The following SLC25A4 variants were observed in gnomAD, a reference collection of about 807,000 sequenced individuals.
SLC25A4 encodes ADP/ATP translocase 1.
In SLC25A4, 10 loss-of-function variants were observed where a neutral mutation model predicts 24.7. The observed-to-expected ratio is 0.41, with a 90% CI of 0.25 to 0.69. SLC25A4 has a LOEUF of 0.69. SLC25A4 is among the 30% of genes least tolerant of loss of function. SLC25A4 has a pLI of 0.35. For missense variants in SLC25A4, 273 were observed against 387.6 expected, an observed-to-expected ratio of 0.70 and a Z score of 2.48; for synonymous variants, 125 against 153.3, an observed-to-expected ratio of 0.82 and a Z score of 1.36.
Position 185,145,849 on chromosome 4 carries a change from C to T in SLC25A4, c.689C>T (p.Pro230Leu). 2 of 1,614,190 alleles carry T rather than the reference C, an allele frequency of 1.2e-6. No homozygotes were observed. The highest frequency in any genetic ancestry group is 2.7e-5 in the African/African-American group (2 of 75,062). Residue 230 changes from proline to leucine, a missense_variant, in exon 3 of 4, where the codon CCC (proline) becomes CTC (leucine). Physicochemically the swap from Pro to Leu is moderately conservative, Grantham distance 98 (BLOSUM62 -3). Coordinates refer to ENST00000281456, the MANE Select transcript of SLC25A4 (RefSeq NM_001151.4). This position sits in a 1 kb window ranked among gnomAD's most constrained non-coding sequence, Gnocchi z 5.5. ...VTAVAGLVSYPFDTVRRRMMM... is the reference protein window; with the variant it reads ...VTAVAGLVSYLFDTVRRRMMM... ...GCAGTCGCAGGGCTGGTGTCCTACC[C>T]CTTTGACACTGTTCGTCGTAGAATG...
rs901157770 is a variant in SLC25A4 at position 185,146,728 on chromosome 4, T to G, written c.740-86T>G. On this transcript the variant is annotated intron_variant, in intron 3 of 3. Coordinates refer to ENST00000281456, the MANE Select transcript of SLC25A4 (RefSeq NM_001151.4). ...CCAGATGACCCTGATTTTATAAAAC[T>G]GGTAACAGTGTGTACAGATATGTTT... 23 of 1,502,240 alleles carry G rather than the reference T, an allele frequency of 1.5e-5. 1 individual carries two copies. In the South Asian group the frequency reaches 2.3e-4, roughly 15 times the overall value. The allele number at this position is 1,502,240 out of a possible 1,614,324, so 93.1% of individuals were successfully genotyped here. A position where few individuals can be genotyped will look rare whatever the true frequency, so the allele number is the denominator to read the frequency against.
Position 185,145,244 on chromosome 4 carries a change from G to A in SLC25A4, c.592G>A (p.Ala198Thr). 6.2e-7 allele frequency: 1 copy of A among 1,614,018 alleles called. No homozygotes were observed. Among genetic ancestry groups the A allele is most frequent in the Non-Finnish European group, 8.5e-7 (1 of 1,180,020 alleles). Residue 198 changes from alanine to threonine, a missense_variant, in exon 2 of 4, where the codon GCC becomes ACC. Physicochemically the swap from Ala to Thr is moderately conservative, Grantham distance 58. Transcript: ENST00000281456. This position sits in a 1 kb window ranked among gnomAD's most constrained non-coding sequence, Gnocchi z 5.5. Reference protein sequence around the residue: ...RAAYFGVYDTAKGMLPDPKNV... With the variant: ...RAAYFGVYDTTKGMLPDPKNV... ...TGCCTACTTCGGAGTCTATGATACT[G>A]CCAAGGGTGAGAGAGGGGCATCGGG... is the stretch of plus-strand genomic sequence containing the variant.
intron 1 of SLC25A4, among the ~76,000 whole-genome samples, chr4:185,144,030 A>G (rs898351794): frequency 3.4e-4 from 52 of 152,346 alleles, no homozygotes; most frequent in African/African-American, 1.1e-3. Flanking sequence ...TTTTCGGAAT[A>G]AACTCAGATC....
At position 185,146,987 on chromosome 4, in the gene SLC25A4, A is replaced by G. The variant is rs2111287767; in HGVS notation, c.*16A>G. ...ATATGTCTAATGTAATTAAAACACA[A>G]GTTCACAGATTTACAGTGAACTTGA... On this transcript the variant is annotated 3_prime_UTR_variant, in exon 4 of 4. Transcript: ENST00000281456. 1 of 1,610,398 alleles carries G rather than the reference A, an allele frequency of 6.2e-7. No homozygotes were observed. Among genetic ancestry groups the G allele is most frequent in the Non-Finnish European group, 8.5e-7 (1 of 1,177,010 alleles).
chr4:185,145,748 T>C lies in SLC25A4; in HGVS notation c.599-11T>C. ...CTTCATAGCCGTTCGGCTTCTGGGCTCTGTCCACAGGGATGCTGCCTGACC... is the reference window on the plus strand; with the variant it reads ...CTTCATAGCCGTTCGGCTTCTGGGCCCTGTCCACAGGGATGCTGCCTGACC... On this transcript the variant is annotated splice_polypyrimidine_tract_variant and intron_variant, in intron 2 of 3. Coordinates refer to ENST00000281456, the MANE Select transcript of SLC25A4 (RefSeq NM_001151.4). The surrounding 1 kb of genome is among the most constrained non-coding windows in gnomAD (Gnocchi z 5.5). The C allele has an allele frequency of 1.9e-6, 3 of 1,614,226 alleles. No homozygotes were observed. Among genetic ancestry groups the C allele is most frequent in the Non-Finnish European group, 2.5e-6 (3 of 1,180,020 alleles).
chr4:185,145,729 AG>A lies in SLC25A4; in HGVS notation c.599-29del, dbSNP rs1304167947. 2.5e-6 allele frequency: 4 copies of A among 1,613,926 alleles called. No individual in the cohort carries two copies. The African/African-American group carries it at 5.3e-5, about 22-fold the overall frequency. ...TTTCTGCTGAGAACAGGCACTTCATAGCCGTTCGGCTTCTGGGCTCTGTCCA... is the reference window on the plus strand; with the variant it reads ...TTTCTGCTGAGAACAGGCACTTCATACCGTTCGGCTTCTGGGCTCTGTCCA... On this transcript the variant is annotated intron_variant, in intron 2 of 3. Transcript: ENST00000281456. The surrounding 1 kb of genome is among the most constrained non-coding windows in gnomAD (Gnocchi z 5.5).
At position 185,145,692 on chromosome 4, in the gene SLC25A4, C is replaced by T; in HGVS notation, c.599-67C>T. 3 of 1,594,768 alleles carry T rather than the reference C, an allele frequency of 1.9e-6. No homozygotes were observed. Among genetic ancestry groups the T allele is most frequent in the Non-Finnish European group, 2.6e-6 (3 of 1,164,472 alleles). Reference sequence around the variant, plus strand: ...GAGCTGGAGGTGCAGTGGCCTCTCTCCCTCCACCTGCTTTCTGCTGAGAAC... The same window carrying T: ...GAGCTGGAGGTGCAGTGGCCTCTCTTCCTCCACCTGCTTTCTGCTGAGAAC... On this transcript the variant is annotated intron_variant, in intron 2 of 3. Transcript: ENST00000281456. This position sits in a 1 kb window ranked among gnomAD's most constrained non-coding sequence, Gnocchi z 5.5.
Position 185,150,177 on chromosome 4 carries a change from G to C in SLC25A4, c.*3206G>C, listed in dbSNP as rs1255106863. 1.3e-5 allele frequency: 2 copies of C among 152,246 alleles called. No individual in the cohort carries two copies. Among genetic ancestry groups the C allele is most frequent in the African/African-American group, 2.4e-5 (1 of 41,466 alleles). 9.4% of individuals were successfully genotyped at this position (152,246 alleles called of 1,614,324 possible). A position where few individuals can be genotyped will look rare whatever the true frequency, so the allele number is the denominator to read the frequency against. ...AAGTTTCTGCTGAATGGAAGAGTGAGCGAGAAGGGAAAGTGCATCTAAAAA... is the reference window on the plus strand; with the variant it reads ...AAGTTTCTGCTGAATGGAAGAGTGACCGAGAAGGGAAAGTGCATCTAAAAA... On this transcript the variant is annotated 3_prime_UTR_variant, in exon 4 of 4. Transcript: ENST00000281456.
rs1377528439 is a variant in SLC25A4 at position 185,145,647 on chromosome 4, C to T, written c.599-112C>T. ...TGAAGCACCTGCACAGGGGCAGGTT[C>T]CCCGCAAGGTCAGAGCATGGAGCTG... On this transcript the variant is annotated intron_variant, in intron 2 of 3. Transcript: ENST00000281456. This position sits in a 1 kb window ranked among gnomAD's most constrained non-coding sequence, Gnocchi z 5.5. The T allele has an allele frequency of 3.7e-6, 5 of 1,355,558 alleles. No individual in the cohort carries two copies. Among genetic ancestry groups the T allele is most frequent in the Non-Finnish European group, 5.2e-6 (5 of 970,674 alleles). The allele number at this position is 1,355,558 out of a possible 1,614,324, so 84.0% of individuals were successfully genotyped here.
chr4:185,144,699 T>TC lies in SLC25A4; in HGVS notation c.112-64dup. ...TCTAGGAAGTGCAAACCTTTTTTTT[T>TC]CTCCTGTCCTCTTCCCTTCTCTCTA... On this transcript the variant is annotated intron_variant, in intron 1 of 3. Coordinates refer to ENST00000281456, the MANE Select transcript of SLC25A4 (RefSeq NM_001151.4). 4 of 1,536,894 alleles carry TC rather than the reference T, an allele frequency of 2.6e-6. No homozygotes were observed. The South Asian group carries it at 3.5e-5, about 13-fold the overall frequency.
rs1396628665 is a variant in SLC25A4 at position 185,145,472 on chromosome 4, AG to A, written c.598+228del. The A allele has an allele frequency of 1.4e-6, 1 of 732,834 alleles. No homozygotes were observed. Among genetic ancestry groups the A allele is most frequent in the Non-Finnish European group, 2.2e-6 (1 of 456,194 alleles). The allele number at this position is 732,834 out of a possible 1,614,324, so 45.4% of individuals were successfully genotyped here. On this transcript the variant is annotated intron_variant, in intron 2 of 3. Transcript: ENST00000281456. The surrounding 1 kb of genome is among the most constrained non-coding windows in gnomAD (Gnocchi z 5.5). ...GGCCTTTAGTTATTCAGAGAGGAGG[AG>A]GGGGGAGCCTGTCTCCCTCTAGACA...
chr4:185,144,689 CCT>C (rs1734405636), intron 1 of SLC25A4, 73 bp from the exon 2 acceptor site: 1 of 1,446,518 alleles, frequency 6.9e-7, no homozygotes, highest in East Asian at 2.4e-5. Context: ...GAAGTGCAAA[CCT>C]TTTTTTTTCT....
Position 185,145,370 on chromosome 4 carries a change from A to G in SLC25A4, c.598+120A>G. 6.7e-7 allele frequency: 1 copy of G among 1,486,550 alleles called. No homozygotes were observed. The highest frequency in any genetic ancestry group is 9.2e-7 in the Non-Finnish European group (1 of 1,086,402). The allele number at this position is 1,486,550 out of a possible 1,614,324, so 92.1% of individuals were successfully genotyped here. ...TTTTTTCTAGTCTCTGGGATAATTG[A>G]GGCTTCTGAATGAGGAGGTGATGTG... On this transcript the variant is annotated intron_variant, in intron 2 of 3. Transcript: ENST00000281456. The surrounding 1 kb of genome is among the most constrained non-coding windows in gnomAD (Gnocchi z 5.5).
At chr4:185,144,266 T>G (rs1224721966) in intron 1 of SLC25A4, among the ~76,000 whole-genome samples, 2 of 152,194 alleles carry the variant, frequency 1.3e-5, no homozygotes, top group Admixed American at 1.3e-4. Context: ...GGAGGCCTAA[T>G]GTTTAGTGGA....
In SLC25A4 at chr4:185,148,549, T is replaced by C. The variant is rs565400128; in HGVS notation, c.*1578T>C. On this transcript the variant is annotated 3_prime_UTR_variant, in exon 4 of 4. Transcript: ENST00000281456. ...GAAATGAAATGGGGGGAGGGAGTGG[T>C]AGGAGATGGAGGCTTTGAAAGAAAA... is the stretch of plus-strand genomic sequence containing the variant. 2.6e-5 allele frequency: 4 copies of C among 152,162 alleles called. No homozygotes were observed. The East Asian group carries it at 5.8e-4, about 22-fold the overall frequency. The allele number at this position is 152,162 out of a possible 1,614,324, so 9.4% of individuals were successfully genotyped here. A position where few individuals can be genotyped will look rare whatever the true frequency, so the allele number is the denominator to read the frequency against.
rs1218418833 is a variant in SLC25A4, at chr4:185,145,476, G to A, written c.598+226G>A. On this transcript the variant is annotated intron_variant, in intron 2 of 3. Coordinates refer to ENST00000281456, the MANE Select transcript of SLC25A4 (RefSeq NM_001151.4). This position sits in a 1 kb window ranked among gnomAD's most constrained non-coding sequence, Gnocchi z 5.5. ...TTTAGTTATTCAGAGAGGAGGAGGG[G>A]GGAGCCTGTCTCCCTCTAGACACAG... 4 of 720,916 alleles carry A rather than the reference G, an allele frequency of 5.5e-6. No individual in the cohort carries two copies. Among genetic ancestry groups the A allele is most frequent in the Admixed American group, 5.6e-5 (2 of 35,678 alleles). The allele number at this position is 720,916 out of a possible 1,614,324, so 44.7% of individuals were successfully genotyped here.
Position 185,145,794 on chromosome 4 carries a change from G to A in SLC25A4, c.634G>A (p.Val212Met). 1 of 1,614,248 alleles carries A rather than the reference G, an allele frequency of 6.2e-7. No individual in the cohort carries two copies. Among genetic ancestry groups the A allele is most frequent in the Non-Finnish European group, 8.5e-7 (1 of 1,180,040 alleles). Reference protein sequence around the residue: ...LPDPKNVHIFVSWMIAQSVTA... With the variant: ...LPDPKNVHIFMSWMIAQSVTA... ...TGACCCCAAGAACGTGCACATTTTT[G>A]TGAGCTGGATGATTGCCCAGAGTGT... Residue 212 changes from valine to methionine, a missense_variant, in exon 3 of 4, where the codon GTG becomes ATG. Transcript: ENST00000281456. The surrounding 1 kb of genome is among the most constrained non-coding windows in gnomAD (Gnocchi z 5.5).
rs933731884 is a variant in SLC25A4, at chr4:185,143,271, C to T, written c.-102C>T. On this transcript the variant is annotated 5_prime_UTR_variant, in exon 1 of 4. Transcript: ENST00000281456. ...GGAGCTGCGGGCCAGGCGGCGGCCC[C>T]CTAGCGTCGCGCAGGGTCGGGGACT... The T allele has an allele frequency of 1.3e-5, 8 of 631,176 alleles. No homozygotes were observed. The highest frequency in any genetic ancestry group is 5.2e-5 in the South Asian group (3 of 57,774). The allele number at this position is 631,176 out of a possible 1,614,324, so 39.1% of individuals were successfully genotyped here.
rs1245500873 is a variant in SLC25A4, at chr4:185,147,208, G to A, written c.*237G>A. ...AAATAGAAAATAATTTATCATACTT[G>A]TACAATTAACTGAAGAATTGATAAT... On this transcript the variant is annotated 3_prime_UTR_variant, in exon 4 of 4. Coordinates refer to ENST00000281456, the MANE Select transcript of SLC25A4 (RefSeq NM_001151.4). 1.3e-5 allele frequency: 6 copies of A among 471,372 alleles called. No individual in the cohort carries two copies. The highest frequency in any genetic ancestry group is 9.7e-5 in the African/African-American group (5 of 51,548). The allele number at this position is 471,372 out of a possible 1,614,324, so 29.2% of individuals were successfully genotyped here. A position where few individuals can be genotyped will look rare whatever the true frequency, so the allele number is the denominator to read the frequency against.
Sources: gnomAD v4.1 joint callset for allele counts (sites outside exome capture counted in the v4.1 genomes callset) on GRCh38, gnomAD v4.1.1 for gene constraint, Gnocchi (gnomAD v3.1) non-coding constraint, MANE v1.5 for transcripts, NCBI Gene and HGNC (gene_info 2026-07-23, HGNC 2026-07-21) for gene names.